Variants in CACNG6 observed in about 807,000 individuals in gnomAD.
CACNG6 encodes voltage-dependent calcium channel gamma-6 subunit.
Under a neutral mutation model 23.9 loss-of-function variants are expected in CACNG6, and 21 were observed. That is an observed-to-expected ratio of 0.88 (90% CI 0.62 to 1.26). The LOEUF is 1.26. Ranked by LOEUF, CACNG6 falls within the 50% of genes most tolerant of loss-of-function variation. The pLI is 0.00. For synonymous variants in CACNG6, 182 were observed against 168.9 expected (o/e 1.08, Z -0.60); for missense variants, 340 against 352.9 (o/e 0.96, Z 0.29).
At chr19:54,000,810 C>T (rs1185758902) in intron 3 of CACNG6, among the ~76,000 whole-genome samples, 3 of 152,194 alleles carry the variant, frequency 2.0e-5, no homozygotes, top group South Asian at 2.1e-4. Flanking sequence ...GAACTCCTGA[C>T]GTCAAGTGAT....
At chr19:53,995,582 C>T (rs1309709076) in intron 1 of CACNG6, among the ~76,000 whole-genome samples, 1 of 152,210 alleles carries the variant, frequency 6.6e-6, no homozygotes, top group African/African-American at 2.4e-5. Context: ...TCACACTTCC[C>T]TTGTGGATGT....
At chr19:54,004,755 C>T (rs972028095) in intron 3 of CACNG6, among the ~76,000 whole-genome samples, 1 of 152,130 alleles carries the variant, frequency 6.6e-6, no homozygotes, top group Non-Finnish European at 1.5e-5. Flanking sequence ...GCTGCCTCCT[C>T]GGCCTGGAGC....
intron 3 of CACNG6, among the ~76,000 whole-genome samples, chr19:54,009,703 T>C (rs928509386): frequency 6.6e-6 from 1 of 151,800 alleles, no homozygotes; most frequent in African/African-American, 2.4e-5. Flanking sequence ...TTACTGTCTA[T>C]CTCCAAGTAA....
chr19:54,009,698 G>C (rs999544509), intron 3 of CACNG6, among the ~76,000 whole-genome samples: 1 of 151,616 alleles, frequency 6.6e-6, no homozygotes, highest in Non-Finnish European at 1.5e-5. Flanking sequence ...TTTGTTTACT[G>C]TCTATCTCCA....
In CACNG6 at chr19:53,992,619, T is replaced by C; in HGVS notation, c.-259T>C. 3.2e-6 allele frequency: 1 copy of C among 313,966 alleles called. No homozygotes were observed. The highest frequency in any genetic ancestry group is 5.8e-6 in the Non-Finnish European group (1 of 172,204). The allele number at this position is 313,966 out of a possible 1,614,324, so 19.4% of individuals were successfully genotyped here. On this transcript the variant is annotated 5_prime_UTR_variant, in exon 1 of 4. Transcript: ENST00000252729. This position sits in a 1 kb window ranked among gnomAD's most constrained non-coding sequence, Gnocchi z 4.1. The stretch of plus-strand genomic sequence containing the variant: ...CTGGGCCCCGTCTTCTTTGCCAAGT[T>C]CTTGAGGGCAACCTAGACCCTCCTC...
intron 3 of CACNG6, among the ~76,000 whole-genome samples, chr19:54,002,288 T>G (rs908746241): frequency 1.0e-4 from 15 of 146,278 alleles, no homozygotes; most frequent in Admixed American, 2.7e-4. Context: ...TTTTTTGTTT[T>G]TTTTTTTTTT....
chr19:54,004,825 A>T (rs4806681), intron 3 of CACNG6, among the ~76,000 whole-genome samples: 40,822 of 152,064 alleles, frequency 0.27, 6,323 homozygotes, highest in East Asian at 0.44. Flanking sequence ...CTCTGGTCAA[A>T]TGTCACCACC....
intron 1 of CACNG6, among the ~76,000 whole-genome samples, chr19:53,997,764 C>T (rs2069534739): frequency 6.6e-6 from 1 of 152,182 alleles, no homozygotes; most frequent in East Asian, 1.9e-4. Flanking sequence ...TGGGTTCTCT[C>T]TCTCTTCTTG....
chr19:54,002,066 C>T (rs2069580736), intron 3 of CACNG6, among the ~76,000 whole-genome samples: 1 of 151,362 alleles, frequency 6.6e-6, no homozygotes, highest in Non-Finnish European at 1.5e-5. Context: ...TCTCTCTTTC[C>T]CTATGTCTCT....
intron 3 of CACNG6, among the ~76,000 whole-genome samples, chr19:54,008,710 T>G (rs1335480354): frequency 6.6e-6 from 1 of 152,210 alleles, no homozygotes; most frequent in Admixed American, 6.5e-5. Context: ...CATGACTGAC[T>G]TCTTTTCATC....
At chr19:54,004,227 C>T (rs538227356) in intron 3 of CACNG6, among the ~76,000 whole-genome samples, 1 of 152,046 alleles carries the variant, frequency 6.6e-6, no homozygotes, top group Non-Finnish European at 1.5e-5. Flanking sequence ...ATGGCACGAT[C>T]TCGACTCACT....
intron 1 of CACNG6, among the ~76,000 whole-genome samples, chr19:53,995,515 A>T (rs1219953931): frequency 1.3e-5 from 2 of 152,118 alleles, no homozygotes; most frequent in Non-Finnish European, 2.9e-5. Context: ...GGGATGTGCT[A>T]AACTATTAGT....
intron 3 of CACNG6, among the ~76,000 whole-genome samples, chr19:54,005,358 G>A (rs1021365877): frequency 6.6e-6 from 1 of 151,116 alleles, no homozygotes; most frequent in Non-Finnish European, 1.5e-5. Context: ...CCAGGAGTTC[G>A]AGACCAGCCT....
chr19:53,996,399 CT>C (rs36057809), intron 1 of CACNG6, among the ~76,000 whole-genome samples: 31,373 of 146,492 alleles, frequency 0.21, 4,124 homozygotes, highest in African/African-American at 0.38. Flanking sequence ...CTCTCTCTCT[CT>C]TTTTTTTTTT....
At chr19:54,003,834 C>T (rs774253718) in intron 3 of CACNG6, among the ~76,000 whole-genome samples, 2 of 152,090 alleles carry the variant, frequency 1.3e-5, no homozygotes, top group Non-Finnish European at 2.9e-5. Flanking sequence ...CTCCACAGAG[C>T]AGCTAGAGTG....
At chr19:53,993,798 C>A (rs1382692000) in intron 1 of CACNG6, among the ~76,000 whole-genome samples, 1 of 151,406 alleles carries the variant, frequency 6.6e-6, no homozygotes, top group African/African-American at 2.4e-5. Flanking sequence ...CACCTCCACA[C>A]CAGGCTATGG....
intron 3 of CACNG6, among the ~76,000 whole-genome samples, chr19:54,009,874 C>A (rs1321164143): frequency 1.4e-5 from 2 of 148,064 alleles, no homozygotes; most frequent in Admixed American, 6.8e-5. Flanking sequence ...TGCAGTGAGC[C>A]GAGATTGCCA....
chr19:53,992,912 ACCGGCGGCGGGGGGCCGCGGG>A lies in CACNG6; in HGVS notation c.47_67del (p.Gly16_Arg22del), dbSNP rs767806691. ...TCCAACTTCTTCCTGCAAGAGGAGA[ACCGGCGGCGGGGGGCCGCGGG>A]CCGGCGGCGGGCGCACGGGCAGGGC... On this transcript the variant is annotated inframe_deletion, in exon 1 of 4. Coordinates refer to ENST00000252729, the MANE Select transcript of CACNG6 (RefSeq NM_145814.2). The surrounding 1 kb of genome is among the most constrained non-coding windows in gnomAD (Gnocchi z 4.1). 32 of 1,405,204 alleles carry A rather than the reference ACCGGCGGCGGGGGGCCGCGGG, an allele frequency of 2.3e-5. No individual in the cohort carries two copies. The highest frequency in any genetic ancestry group is 1.9e-4 in the Middle Eastern group (1 of 5,250). 87.0% of individuals were successfully genotyped at this position (1,405,204 alleles called of 1,614,324 possible). A position where few individuals can be genotyped will look rare whatever the true frequency, so the allele number is the denominator to read the frequency against.
intron 2 of CACNG6, among the ~76,000 whole-genome samples, chr19:53,999,286 C>T (rs2145957326): frequency 6.6e-6 from 1 of 152,302 alleles, no homozygotes; most frequent in Non-Finnish European, 1.5e-5. Context: ...GATCATTCCA[C>T]TGTAGCACAC....
Sources: gnomAD v4.1 joint callset for allele counts (sites outside exome capture counted in the v4.1 genomes callset) on GRCh38, gnomAD v4.1.1 for gene constraint, Gnocchi (gnomAD v3.1) non-coding constraint, MANE v1.5 for transcripts, NCBI Gene and HGNC (gene_info 2026-07-23, HGNC 2026-07-21) for gene names.